MYO3A: variants seen among roughly 807,000 people sequenced by gnomAD.
MYO3A encodes myosin IIIA.
MYO3A carries 180 observed loss-of-function variants against 192.7 expected under a neutral mutation model. The observed-to-expected ratio is 0.93, with a 90% CI of 0.83 to 1.06. The LOEUF is 1.06. MYO3A is among the 50% of genes least tolerant of loss of function. The probability of loss-of-function intolerance (pLI) is 0.00; values close to 1 mark genes in which losing one functional copy is unlikely to be tolerated. For missense variants in MYO3A, 1,896 were observed against 1,905.0 expected (o/e 1.00, Z 0.09); for synonymous variants, 628 against 645.3 (o/e 0.97, Z 0.41).
chr10:26,149,653 T>C (rs1282567747), intron 23 of MYO3A, among the ~76,000 whole-genome samples: 2 of 152,202 alleles, frequency 1.3e-5, no homozygotes, highest in Non-Finnish European at 1.5e-5. Flanking sequence ...TAAAATTGTG[T>C]TTATTGTATA....
At chr10:26,136,756 A>G (rs1448272120) in intron 20 of MYO3A, among the ~76,000 whole-genome samples, 7 of 152,128 alleles carry the variant, frequency 4.6e-5, no homozygotes, top group Non-Finnish European at 1.0e-4. Flanking sequence ...GGCAGCTCAC[A>G]CCTGTAATGC....
chr10:25,943,915 T>G (rs1231639383), intron 2 of MYO3A, among the ~76,000 whole-genome samples: 1 of 152,046 alleles, frequency 6.6e-6, no homozygotes, highest in African/African-American at 2.4e-5. Context: ...CTGATTGCTC[T>G]GACTGGGATT....
chr10:25,956,318 C>T (rs1031317884), intron 4 of MYO3A, among the ~76,000 whole-genome samples: 1 of 150,974 alleles, frequency 6.6e-6, no homozygotes, highest in African/African-American at 2.4e-5. Flanking sequence ...ACTTTATATT[C>T]ATATTTTTCT....
In MYO3A at chr10:26,103,218, G is replaced by A. The variant is rs147555036; in HGVS notation, c.1776+6536G>A. On this transcript the variant is annotated intron_variant, in intron 17 of 34. Coordinates refer to ENST00000642920, the MANE Select transcript of MYO3A (RefSeq NM_017433.5). ...GTGGGATATAATCTCCTGGTGTGCC[G>A]TTTGCTAAGACCATTGGAAAAGCAC... 2.2e-3 allele frequency among the ~76,000 whole-genome samples: 339 copies of A among 152,316 alleles called. 8 individuals carry two copies. The highest frequency in any genetic ancestry group is 0.02 in the South Asian group (98 of 4,824).
chr10:26,191,078 T>C (rs1420919160), intron 31 of MYO3A, among the ~76,000 whole-genome samples: 1 of 152,198 alleles, frequency 6.6e-6, no homozygotes, highest in East Asian at 1.9e-4. Flanking sequence ...CATACCACAT[T>C]CATGTTTCTA....
chr10:26,211,973 G>C lies in MYO3A; in HGVS notation c.*10G>C. 6.2e-7 allele frequency: 1 copy of C among 1,608,756 alleles called. No homozygotes were observed. Among genetic ancestry groups the C allele is most frequent in the Non-Finnish European group, 8.5e-7 (1 of 1,175,732 alleles). ...CGTCCAGCAGTCCTAACCGTTCAAC[G>C]AGGCAGTCACCGCCGTCGGAAGGCG... On this transcript the variant is annotated 3_prime_UTR_variant, in exon 35 of 35. Coordinates refer to ENST00000642920, the MANE Select transcript of MYO3A (RefSeq NM_017433.5).
At chr10:26,005,123 C>A (rs1011759979) in intron 6 of MYO3A, among the ~76,000 whole-genome samples, 1 of 152,050 alleles carries the variant, frequency 6.6e-6, no homozygotes, top group Admixed American at 6.6e-5. Context: ...GCAGACACAA[C>A]CATTAATCAA....
At chr10:26,207,940 C>T (rs540792710) in intron 34 of MYO3A, among the ~76,000 whole-genome samples, 6 of 152,178 alleles carry the variant, frequency 3.9e-5, no homozygotes, top group African/African-American at 1.4e-4. Context: ...GTGTCATCTG[C>T]AATTTTGTTC....
chr10:25,941,306 T>C (rs1196853771), intron 2 of MYO3A, among the ~76,000 whole-genome samples: 1 of 152,196 alleles, frequency 6.6e-6, no homozygotes, highest in Non-Finnish European at 1.5e-5. Context: ...CAGCAACTGA[T>C]GGAGACATCA....
chr10:25,942,702 T>C (rs970997525), intron 2 of MYO3A, among the ~76,000 whole-genome samples: 6 of 152,348 alleles, frequency 3.9e-5, no homozygotes, highest in Middle Eastern at 3.4e-3. Flanking sequence ...TATTAGGATG[T>C]TGTACATCAT....
rs1842324747 is a variant in MYO3A at position 26,021,842 on chromosome 10, A to T, written c.731+194A>T. 9 of 690,252 alleles carry T rather than the reference A, an allele frequency of 1.3e-5. No individual in the cohort carries two copies. In the South Asian group the frequency reaches 1.6e-4, roughly 12 times the overall value. The allele number at this position is 690,252 out of a possible 1,614,324, so 42.8% of individuals were successfully genotyped here. On this transcript the variant is annotated intron_variant, in intron 8 of 34. Coordinates refer to ENST00000642920, the MANE Select transcript of MYO3A (RefSeq NM_017433.5). The stretch of plus-strand genomic sequence containing the variant: ...AGTTGCATTTCCCTGGTCTAAGTAA[A>T]AGAGCTTTCTCTTGATAATCAGTGT...
intron 2 of MYO3A, 39 bp downstream of exon 2, chr10:25,935,869 A>G (rs1564383518): frequency 1.3e-5 from 2 of 152,184 alleles, no homozygotes; most frequent in Non-Finnish European, 2.9e-5. Flanking sequence ...GGTTTGCCAG[A>G]ACCTAAGTGC....
chr10:26,188,549 A>C (rs892965392), intron 31 of MYO3A, among the ~76,000 whole-genome samples: 2 of 152,136 alleles, frequency 1.3e-5, no homozygotes, highest in Non-Finnish European at 2.9e-5. Flanking sequence ...TTGGTGTTTT[A>C]GTCATGAATT....
intron 31 of MYO3A, among the ~76,000 whole-genome samples, chr10:26,185,329 C>CTTTTTTTTT (rs61581382): frequency 4.7e-5 from 3 of 63,878 alleles, no homozygotes; most frequent in South Asian, 6.7e-4. Flanking sequence ...TTCCAGGATT[C>CTTTTTTTTT]TTTTTTTTTT....
At chr10:26,151,266 A>G (rs1840773688) in intron 23 of MYO3A, among the ~76,000 whole-genome samples, 1 of 152,060 alleles carries the variant, frequency 6.6e-6, no homozygotes. Flanking sequence ...TTACTGAGAG[A>G]GGGATTTTTA....
At chr10:26,087,520 G>A (rs1338314616) in intron 14 of MYO3A, among the ~76,000 whole-genome samples, 2 of 152,054 alleles carry the variant, frequency 1.3e-5, no homozygotes, top group African/African-American at 4.8e-5. Flanking sequence ...AAACCTCTGG[G>A]GGCAGAGGTT....
chr10:26,005,298 A>G (rs1841116188), intron 6 of MYO3A, among the ~76,000 whole-genome samples: 1 of 151,800 alleles, frequency 6.6e-6, no homozygotes, highest in African/African-American at 2.4e-5. Flanking sequence ...CTATAGAACA[A>G]CTGGCCTGAA....
At chr10:26,172,870 A>G (rs1194474389) in intron 29 of MYO3A, among the ~76,000 whole-genome samples, 1 of 152,184 alleles carries the variant, frequency 6.6e-6, no homozygotes, top group Non-Finnish European at 1.5e-5. Context: ...CGACTTCACA[A>G]ACAGATCACA....
At chr10:26,023,882 C>T in intron 8 of MYO3A, 140 bp from the exon 9 acceptor site, 2 of 777,036 alleles carry the variant, frequency 2.6e-6, no homozygotes, top group Non-Finnish European at 4.6e-6. Context: ...AATGATTTAT[C>T]TGTCTTGGAA....
Sources: allele counts gnomAD v4.1 joint callset (sites outside exome capture counted in the v4.1 genomes callset), GRCh38; gene constraint gnomAD v4.1.1; transcripts MANE v1.5; gene names NCBI Gene and HGNC (gene_info 2026-07-23, HGNC 2026-07-21).